Variants in PTPRD observed in about 807,000 individuals in gnomAD.
PTPRD encodes receptor-type tyrosine-protein phosphatase delta.
In PTPRD, 34 loss-of-function variants were observed where a neutral mutation model predicts 214.5. That is an observed-to-expected ratio of 0.16 (90% CI 0.12 to 0.21). The LOEUF (loss-of-function observed/expected upper bound fraction) is 0.21. Among genes scored for constraint, PTPRD ranks in the 10% least tolerant of loss-of-function variants. The probability of loss-of-function intolerance (pLI) is 1.00; values close to 1 mark genes in which losing one functional copy is unlikely to be tolerated. For missense variants in PTPRD, 2,545 were observed against 2,398.7 expected (o/e 1.06, Z -1.27); for synonymous variants, 1,128 against 845.7 (o/e 1.33, Z -5.79).
chr9:9,645,935 A>G (rs542821948), intron 7 of PTPRD, among the ~76,000 whole-genome samples: 2 of 152,244 alleles, frequency 1.3e-5, no homozygotes, highest in African/African-American at 4.8e-5. Flanking sequence ...AGTTGTACAT[A>G]TTTTGGGGGT....
At chr9:9,477,927 G>C (rs2095183220) in intron 8 of PTPRD, among the ~76,000 whole-genome samples, 1 of 152,046 alleles carries the variant, frequency 6.6e-6, no homozygotes, top group Non-Finnish European at 1.5e-5. Flanking sequence ...AAAAACTCAG[G>C]CTGGAGATTG....
chr9:8,465,223 C>A (rs56172205), intron 32 of PTPRD, among the ~76,000 whole-genome samples: 1,614 of 152,018 alleles, frequency 0.011, 21 homozygotes, highest in African/African-American at 0.03. Context: ...TCCTATCGAT[C>A]TGGAACTTCA....
rs932750717 is a variant in PTPRD, at chr9:10,028,267, T to G, written c.-472+5451A>C. On this transcript the variant is annotated intron_variant, in intron 4 of 45. Coordinates refer to ENST00000381196, the MANE Select transcript of PTPRD (RefSeq NM_002839.4). Reference sequence around the variant, plus strand: ...CCAGCCATGTGGAACTGTAAGTCTATTAAACCTTTTTCTTTTGTAAATTGC... The same window carrying G: ...CCAGCCATGTGGAACTGTAAGTCTAGTAAACCTTTTTCTTTTGTAAATTGC... Among the ~76,000 whole-genome samples the G allele has an allele frequency of 2.0e-5, 3 of 152,238 alleles. No homozygotes were observed. The South Asian group carries it at 6.2e-4, about 31-fold the overall frequency.
chr9:9,399,285 T>A (rs2069194816), intron 8 of PTPRD, among the ~76,000 whole-genome samples: 1 of 152,026 alleles, frequency 6.6e-6, no homozygotes, highest in South Asian at 2.1e-4. Flanking sequence ...CTTTATTAGG[T>A]TCTTTGTACC....
chr9:9,351,516 G>A (rs10977676), intron 9 of PTPRD, among the ~76,000 whole-genome samples: 2,188 of 152,078 alleles, frequency 0.014, 55 homozygotes, highest in African/African-American at 0.05. Flanking sequence ...AGGTGTTCAC[G>A]TGAACCTTCC....
intron 9 of PTPRD, among the ~76,000 whole-genome samples, chr9:9,263,722 A>T (rs1401549920): frequency 6.6e-6 from 1 of 151,732 alleles, no homozygotes; most frequent in Non-Finnish European, 1.5e-5. Context: ...AATACTGCAT[A>T]TTCTCACTTA....
intron 8 of PTPRD, among the ~76,000 whole-genome samples, chr9:9,445,056 G>T (rs1042127014): frequency 1.3e-5 from 2 of 149,920 alleles, no homozygotes; most frequent in African/African-American, 5.1e-5. Context: ...ACAAATAAAT[G>T]AATTGGCATG....
intron 8 of PTPRD, among the ~76,000 whole-genome samples, chr9:9,500,776 T>C (rs1299866543): frequency 1.3e-5 from 2 of 152,062 alleles, no homozygotes; most frequent in Non-Finnish European, 1.5e-5. Flanking sequence ...AAAAGACAGA[T>C]GAATGTTTAA....
At chr9:9,637,485 A>G (rs531044085) in intron 7 of PTPRD, among the ~76,000 whole-genome samples, 39 of 152,370 alleles carry the variant, frequency 2.6e-4, no homozygotes, top group Non-Finnish European at 5.1e-4. Context: ...ACTCAGCAGC[A>G]TAAATAGCAT....
intron 2 of PTPRD, among the ~76,000 whole-genome samples, chr9:10,520,635 C>T (rs1325799773): frequency 1.3e-5 from 2 of 152,104 alleles, no homozygotes; most frequent in African/African-American, 2.4e-5. Context: ...GAAGGGAAGT[C>T]GATGCTTGGC....
At chr9:9,613,327 T>G (rs2094644171) in intron 7 of PTPRD, among the ~76,000 whole-genome samples, 1 of 151,956 alleles carries the variant, frequency 6.6e-6, no homozygotes, top group Non-Finnish European at 1.5e-5. Context: ...GTTATTAAAT[T>G]ATCACATTAG....
At chr9:8,572,199 T>C (rs1307610469) in intron 14 of PTPRD, among the ~76,000 whole-genome samples, 1 of 152,134 alleles carries the variant, frequency 6.6e-6, no homozygotes. Context: ...AAATTAGGTG[T>C]GGCTCACCCA....
chr9:10,056,252 C>T lies in PTPRD; in HGVS notation c.-544-22462G>A, dbSNP rs762103711. Among the ~76,000 whole-genome samples, 4 of 150,462 alleles carry T rather than the reference C, an allele frequency of 2.7e-5. No homozygotes were observed. The Admixed American group carries it at 2.7e-4, about 10-fold the overall frequency. The stretch of plus-strand genomic sequence containing the variant: ...AGGATAATTGCTTAAACCTGGGAGG[C>T]GGAGATTGCAGTGAGCTGAGATCAC... On this transcript the variant is annotated intron_variant, in intron 3 of 45. Coordinates refer to ENST00000381196, the MANE Select transcript of PTPRD (RefSeq NM_002839.4).
chr9:9,303,301 C>A (rs1288084741), intron 9 of PTPRD, among the ~76,000 whole-genome samples: 1 of 151,870 alleles, frequency 6.6e-6, no homozygotes, highest in Non-Finnish European at 1.5e-5. Flanking sequence ...CCAAAATACA[C>A]AATTGGTTTC....
At chr9:9,463,793 A>G (rs1372700756) in intron 8 of PTPRD, among the ~76,000 whole-genome samples, 1 of 151,590 alleles carries the variant, frequency 6.6e-6, no homozygotes, top group African/African-American at 2.4e-5. Flanking sequence ...TAAACACAGA[A>G]GTTTACTATC....
intron 3 of PTPRD, among the ~76,000 whole-genome samples, chr9:10,055,978 C>T (rs1173849554): frequency 6.9e-6 from 1 of 145,554 alleles, no homozygotes; most frequent in Non-Finnish European, 1.5e-5. Flanking sequence ...TAATGAAGCA[C>T]ACTTGTTTCT....
At chr9:9,599,122 T>G (rs527398882) in intron 7 of PTPRD, among the ~76,000 whole-genome samples, 1 of 152,222 alleles carries the variant, frequency 6.6e-6, no homozygotes, top group South Asian at 2.1e-4. Flanking sequence ...CTCTATACAG[T>G]AAATGAATAT....
intron 4 of PTPRD, among the ~76,000 whole-genome samples, chr9:9,981,635 CAG>C (rs960759208): frequency 1.3e-5 from 2 of 152,064 alleles, no homozygotes; most frequent in African/African-American, 4.8e-5. Context: ...GCTGGGATTA[CAG>C]GCGTGAGCCA....
chr9:9,107,645 A>T (rs967776663), intron 10 of PTPRD, among the ~76,000 whole-genome samples: 8 of 152,142 alleles, frequency 5.3e-5, no homozygotes, highest in African/African-American at 1.9e-4. Flanking sequence ...CCAACTGTTT[A>T]TATATGGACT....
Sources: allele counts gnomAD v4.1 joint callset (sites outside exome capture counted in the v4.1 genomes callset), GRCh38; gene constraint gnomAD v4.1.1; transcripts MANE v1.5; gene names NCBI Gene and HGNC (gene_info 2026-07-23, HGNC 2026-07-21).